ZBTB5: variants seen among roughly 807,000 people sequenced by gnomAD.
The protein encoded by ZBTB5 is zinc finger and BTB domain containing 5, also known as zinc finger and BTB domain-containing protein 5.
ZBTB5 carries 15 observed loss-of-function variants against 37.9 expected under a neutral mutation model. That is an observed-to-expected ratio of 0.40 (90% CI 0.26 to 0.61). The LOEUF (loss-of-function observed/expected upper bound fraction) is 0.61, where lower values mean the gene tolerates loss of function less well. Among genes scored for constraint, ZBTB5 ranks in the 20% least tolerant of loss-of-function variants. ZBTB5 has a pLI of 0.47. For synonymous variants in ZBTB5, 315 were observed against 312.4 expected (o/e 1.01, Z -0.09); for missense variants, 708 against 856.8 (o/e 0.83, Z 2.17).
Position 37,442,290 on chromosome 9 carries a change from T to C in ZBTB5, c.262A>G (p.Thr88Ala). 6.2e-7 allele frequency: 1 copy of C among 1,614,028 alleles called. No individual in the cohort carries two copies. The highest frequency in any genetic ancestry group is 8.5e-7 in the Non-Finnish European group (1 of 1,179,996). Reference protein sequence around the residue: ...AALIDMMYTSTLMLGESNVMD... With the variant: ...AALIDMMYTSALMLGESNVMD... The stretch of plus-strand genomic sequence containing the variant: ...ACATTGCTCTCCCCCAGCATGAGGG[T>C]GGAGGTATACATCATGTCAATCAGT... The change falls in exon 2 of 2, where the codon ACC becomes GCC. Residue 88 changes from threonine to alanine, a missense_variant. By Grantham distance (58) the Thr-to-Ala change is moderately conservative (BLOSUM62 0). This residue lies in a region of ZBTB5 where 639 missense variants were observed against 690.5 expected (regional missense o/e 0.93). Transcript: ENST00000307750.
rs1475520534 is a variant in ZBTB5 at position 37,442,244 on chromosome 9, G to A, written c.308C>T (p.Ala103Val). Residue 103 changes from alanine to valine, a missense_variant, in exon 2 of 2, where the codon GCC (alanine) becomes GTC (valine). By Grantham distance (64) the Ala-to-Val change is moderately conservative (BLOSUM62 0). Around this residue, in one of 3 missense-constraint regions of ZBTB5, gnomAD observed 639 missense variants for 690.5 expected, o/e 0.93. Transcript: ENST00000307750. ...AACAGAGTTCAAATGCAGGTGAGAG[G>A]CTGCCAATAAGACATCCATTACATT... ...ESNVMDVLLA[A>V]SHLHLNSVVK... 5.6e-6 allele frequency: 9 copies of A among 1,614,090 alleles called. No individual in the cohort carries two copies. The highest frequency in any genetic ancestry group is 7.6e-6 in the Non-Finnish European group (9 of 1,180,050).
intron 1 of ZBTB5, among the ~76,000 whole-genome samples, chr9:37,452,197 T>C (rs1432997877): frequency 6.6e-6 from 1 of 152,224 alleles, no homozygotes; most frequent in Non-Finnish European, 1.5e-5. Context: ...TTAGGTCTGA[T>C]ATCTTTCGCT....
In ZBTB5 at chr9:37,439,884, G is replaced by A. The variant is rs1206986829; in HGVS notation, c.*634C>T. 1.3e-5 allele frequency: 2 copies of A among 153,080 alleles called. No individual in the cohort carries two copies. Among genetic ancestry groups the A allele is most frequent in the African/African-American group, 4.8e-5 (2 of 41,462 alleles). The allele number at this position is 153,080 out of a possible 1,614,324, so 9.5% of individuals were successfully genotyped here. A position where few individuals can be genotyped will look rare whatever the true frequency, so the allele number is the denominator to read the frequency against. ...GTTAAAACATCTATCCAACAGTGAT[G>A]TATTCAAAAGTATATACATCTAATA... On this transcript the variant is annotated 3_prime_UTR_variant, in exon 2 of 2. Coordinates refer to ENST00000307750, the MANE Select transcript of ZBTB5 (RefSeq NM_014872.3).
Position 37,439,041 on chromosome 9 carries a change from A to C in ZBTB5, c.*1477T>G, listed in dbSNP as rs1018533076. ...ACACAAAAACTGAATAATTTATCTG[A>C]TTTATGAATGATGGTTTGGTATGTC... On this transcript the variant is annotated 3_prime_UTR_variant, in exon 2 of 2. Coordinates refer to ENST00000307750, the MANE Select transcript of ZBTB5 (RefSeq NM_014872.3). 1 of 152,232 alleles carries C rather than the reference A, an allele frequency of 6.6e-6. No individual in the cohort carries two copies. The highest frequency in any genetic ancestry group is 2.4e-5 in the African/African-American group (1 of 41,458). 9.4% of individuals were successfully genotyped at this position (152,232 alleles called of 1,614,324 possible).
Position 37,441,915 on chromosome 9 carries a change from C to G in ZBTB5, c.637G>C (p.Ala213Pro), listed in dbSNP as rs561341156. 4 of 1,614,148 alleles carry G rather than the reference C, an allele frequency of 2.5e-6. No individual in the cohort carries two copies. The South Asian group carries it at 4.4e-5, about 18-fold the overall frequency. ...TTCTCCGGTGTAACATCTGAAATGGCAGACTCATCTATGGAGGGTCGGAGG... is the reference window on the plus strand; with the variant it reads ...TTCTCCGGTGTAACATCTGAAATGGGAGACTCATCTATGGAGGGTCGGAGG... ...QRLRPSIDES[A>P]ISDVTPENGP... is the part of the protein sequence containing the mutation. The change falls in exon 2 of 2, where the codon GCC becomes CCC. Residue 213 changes from alanine to proline, a missense_variant. Ala to Pro is a conservative substitution (Grantham distance 27). Transcript: ENST00000307750.
At chr9:37,462,224 T>G (rs1824306191) in intron 1 of ZBTB5, among the ~76,000 whole-genome samples, 1 of 152,236 alleles carries the variant, frequency 6.6e-6, no homozygotes, top group Admixed American at 6.5e-5. Context: ...AACTGCCAAT[T>G]AAGCTATGGC....
chr9:37,441,491 T>A lies in ZBTB5; in HGVS notation c.1061A>T (p.Glu354Val). 6.2e-7 allele frequency: 1 copy of A among 1,613,198 alleles called. No homozygotes were observed. The highest frequency in any genetic ancestry group is 8.5e-7 in the Non-Finnish European group (1 of 1,179,864). ...CACAACTCCTTCCACTTCCACAGAC[T>A]CGCTGCCTTCTGCTTGTGAGGTCAC... Reference protein sequence around the residue: ...SDVTSQAEGSESVEVEGVVVS... With the variant: ...SDVTSQAEGSVSVEVEGVVVS... Residue 354 changes from glutamate to valine, a missense_variant, in exon 2 of 2, where the codon GAG (glutamate) becomes GTG (valine). By Grantham distance (121) the Glu-to-Val change is moderately radical. Coordinates refer to ENST00000307750, the MANE Select transcript of ZBTB5 (RefSeq NM_014872.3).
Position 37,440,469 on chromosome 9 carries a change from AAATTC to A in ZBTB5, c.*44_*48del. Reference sequence around the variant, plus strand: ...AAAGGCATTAACTGCTTACCAAAAGAAATTCAGTCTGACAACTGGCCTCAGCGTTG... The same window carrying A: ...AAAGGCATTAACTGCTTACCAAAAGAAGTCTGACAACTGGCCTCAGCGTTG... On this transcript the variant is annotated 3_prime_UTR_variant, in exon 2 of 2. Coordinates refer to ENST00000307750, the MANE Select transcript of ZBTB5 (RefSeq NM_014872.3). The A allele has an allele frequency of 6.4e-7, 1 of 1,565,950 alleles. No homozygotes were observed. The highest frequency in any genetic ancestry group is 8.7e-7 in the Non-Finnish European group (1 of 1,146,004).
At chr9:37,460,799 T>C (rs1249756100) in intron 1 of ZBTB5, among the ~76,000 whole-genome samples, 1 of 152,030 alleles carries the variant, frequency 6.6e-6, no homozygotes, top group Non-Finnish European at 1.5e-5. Flanking sequence ...GCCCAGGAGT[T>C]TGGGGCTGCA....
At chr9:37,463,712 C>G (rs1824336305) in intron 1 of ZBTB5, among the ~76,000 whole-genome samples, 3 of 152,124 alleles carry the variant, frequency 2.0e-5, no homozygotes, top group African/African-American at 7.2e-5. Flanking sequence ...CAAATCTTAC[C>G]ATTTTCAGAA....
chr9:37,457,257 CAG>C (rs780019386), intron 1 of ZBTB5, among the ~76,000 whole-genome samples: 4 of 152,178 alleles, frequency 2.6e-5, no homozygotes, highest in African/African-American at 9.7e-5. Flanking sequence ...GTTTTTGAGA[CAG>C]AGTCTTGCTT....
chr9:37,450,798 G>C (rs1179990818), intron 1 of ZBTB5, among the ~76,000 whole-genome samples: 3 of 151,628 alleles, frequency 2.0e-5, no homozygotes, highest in Admixed American at 6.6e-5. Flanking sequence ...CTGGGAGGCG[G>C]AGGTTGCAGT....
At chr9:37,447,794 CT>C (rs1486414871) in intron 1 of ZBTB5, among the ~76,000 whole-genome samples, 1 of 150,706 alleles carries the variant, frequency 6.6e-6, no homozygotes, top group Non-Finnish European at 1.5e-5. Flanking sequence ...CACTAATATT[CT>C]GCTCAATGCT....
intron 1 of ZBTB5, among the ~76,000 whole-genome samples, chr9:37,452,409 A>G (rs1260186145): frequency 6.6e-6 from 1 of 152,264 alleles, no homozygotes; most frequent in African/African-American, 2.4e-5. Context: ...CCCAAAACCC[A>G]GAAGTCAATA....
Position 37,439,424 on chromosome 9 carries a change from C to CAAAT in ZBTB5, c.*1090_*1093dup, listed in dbSNP as rs1452294051. 6.6e-6 allele frequency: 1 copy of CAAAT among 152,196 alleles called. No individual in the cohort carries two copies. The highest frequency in any genetic ancestry group is 1.5e-5 in the Non-Finnish European group (1 of 68,028). 9.4% of individuals were successfully genotyped at this position (152,196 alleles called of 1,614,324 possible). ...ATTTGGTATCAGATTGGGGGAGCAA[C>CAAAT]AAATAATAAAATTTAGGGTCTGTAC... On this transcript the variant is annotated 3_prime_UTR_variant, in exon 2 of 2. Coordinates refer to ENST00000307750, the MANE Select transcript of ZBTB5 (RefSeq NM_014872.3).
intron 1 of ZBTB5, among the ~76,000 whole-genome samples, chr9:37,461,434 AAATGGC>A (rs1824291324): frequency 6.6e-6 from 1 of 152,218 alleles, no homozygotes; most frequent in Non-Finnish European, 1.5e-5. Context: ...AAACTTAAGA[AAATGGC>A]AATCAGCCAG....
At position 37,441,017 on chromosome 9, in the gene ZBTB5, C is replaced by T. The variant is rs1474486835; in HGVS notation, c.1535G>A (p.Gly512Asp). The T allele has an allele frequency of 3.9e-5, 63 of 1,614,042 alleles. No individual in the cohort carries two copies. The highest frequency in any genetic ancestry group is 5.1e-5 in the Non-Finnish European group (60 of 1,180,042). ...TACCCTGGAGAAGGAGGAGTGGAGG[C>T]CCAAACCAGACCTGGAAAAGTCCAT... ...FGMDFSRSGL[G>D]LHSSFSRVMI... Residue 512 changes from glycine (G) to aspartate (D), a missense_variant, in exon 2 of 2, where the codon GGC (glycine) becomes GAC (aspartate). Transcript: ENST00000307750.
chr9:37,449,627 A>G (rs1451157941), intron 1 of ZBTB5, among the ~76,000 whole-genome samples: 3 of 143,126 alleles, frequency 2.1e-5, no homozygotes, highest in African/African-American at 7.9e-5. Flanking sequence ...TGAACCCAGG[A>G]GGTGGAGGTT....
chr9:37,455,853 A>T (rs1203732888), intron 1 of ZBTB5, among the ~76,000 whole-genome samples: 1 of 151,584 alleles, frequency 6.6e-6, no homozygotes, highest in Non-Finnish European at 1.5e-5. Flanking sequence ...TTTTTTTTTT[A>T]AATACAGGTG....
Sources: allele counts gnomAD v4.1 joint callset (sites outside exome capture counted in the v4.1 genomes callset), GRCh38; gene constraint gnomAD v4.1.1; regional missense constraint gnomAD v4.1.1; transcripts MANE v1.5; gene names NCBI Gene and HGNC (gene_info 2026-07-23, HGNC 2026-07-21).